The following NEDD4L variants were observed in gnomAD, a reference collection of about 807,000 sequenced individuals.
NEDD4L encodes the protein NEDD4 like E3 ubiquitin protein ligase, also known as E3 ubiquitin-protein ligase NEDD4-like.
A neutral mutation model predicts 148.9 loss-of-function variants in NEDD4L; 54 were observed. That is an observed-to-expected ratio of 0.36 (90% confidence interval 0.29 to 0.45). NEDD4L has a LOEUF of 0.45. Among genes scored for constraint, NEDD4L ranks in the 20% least tolerant of loss-of-function variants. NEDD4L has a pLI of 1.00. For synonymous variants in NEDD4L, 433 were observed against 440.7 expected, an observed-to-expected ratio of 0.98 and a Z score of 0.22; for missense variants, 856 against 1,233.8, an observed-to-expected ratio of 0.69 and a Z score of 4.59.
intron 2 of NEDD4L, among the ~76,000 whole-genome samples, chr18:58,206,628 A>G (rs1340846937): frequency 6.6e-6 from 1 of 152,196 alleles, no homozygotes; most frequent in Non-Finnish European, 1.5e-5. Flanking sequence ...TAACGTATGC[A>G]TAGAGATCTG....
At chr18:58,091,394 T>C (rs1568202949) in intron 1 of NEDD4L, 1 of 152,226 alleles carries the variant, frequency 6.6e-6, no homozygotes, top group Non-Finnish European at 1.5e-5. Flanking sequence ...TTGAACCTTC[T>C]TGGACTCTCA....
chr18:58,328,901 T>C, intron 9 of NEDD4L, 94 bp from the exon 10 acceptor site: 2 of 1,405,998 alleles, frequency 1.4e-6, no homozygotes, highest in Non-Finnish European at 2.0e-6. Context: ...GACACTTTAG[T>C]GGCCATCTGG....
At chr18:58,372,482 ATTTT>A (rs1260745734) in intron 23 of NEDD4L, 1 of 151,900 alleles carries the variant, frequency 6.6e-6, no homozygotes, top group African/African-American at 2.4e-5. Context: ...AACTTTATTT[ATTTT>A]TTATAGAGAC....
At chr18:58,227,669 G>T (rs933642487) in intron 2 of NEDD4L, among the ~76,000 whole-genome samples, 1 of 152,166 alleles carries the variant, frequency 6.6e-6, no homozygotes, top group Non-Finnish European at 1.5e-5. Context: ...GACCCAGTGA[G>T]TGTTTTACCC....
At chr18:58,254,270 AT>A (rs909114317) in intron 5 of NEDD4L, among the ~76,000 whole-genome samples, 3 of 151,572 alleles carry the variant, frequency 2.0e-5, no homozygotes, top group African/African-American at 4.8e-5. Context: ...TTCCCCTCCT[AT>A]TTTTTTTACC....
At position 58,341,791 on chromosome 18, in the gene NEDD4L, G is replaced by A. The variant is rs369600630; in HGVS notation, c.1371G>A (p.Pro457=). ...LSSPTVTLSA[P]LEGAKDSPVR... ...CGCCAACAGTAACTTTATCTGCCCCGCTGGAGGTGAGACGGCTACCTCATC... is the reference window on the plus strand; with the variant it reads ...CGCCAACAGTAACTTTATCTGCCCCACTGGAGGTGAGACGGCTACCTCATC... Residue 457 remains proline (P), a synonymous_variant, in exon 15 of 31, where the codon CCG becomes CCA. Transcript: ENST00000400345. The A allele has an allele frequency of 1.2e-5, 20 of 1,612,620 alleles. No individual in the cohort carries two copies. Among genetic ancestry groups the A allele is most frequent in the East Asian group, 6.7e-5 (3 of 44,862 alleles).
chr18:58,221,698 C>G (rs191736163), intron 2 of NEDD4L: 1 of 985,454 alleles, frequency 1.0e-6, no homozygotes, highest in Admixed American at 6.1e-5. Context: ...TTTCCAGCAG[C>G]GCTAGTCCAG....
rs58950155 is a variant in NEDD4L at position 58,381,713 on chromosome 18, G to A, written c.2353-1533G>A. Among the ~76,000 whole-genome samples, 1,156 of 152,292 alleles carry A rather than the reference G, an allele frequency of 7.6e-3. 21 individuals carry two copies. The highest frequency in any genetic ancestry group is 0.026 in the African/African-American group (1,090 of 41,558). ...TCTGGGGAGGAATAAATGGGGAAAA[G>A]AAGAAAAGCCAACCTGGGTTTATTA... On this transcript the variant is annotated intron_variant, in intron 24 of 30. Transcript: ENST00000400345.
chr18:58,290,049 G>A (rs986249243), intron 5 of NEDD4L, among the ~76,000 whole-genome samples: 4 of 152,148 alleles, frequency 2.6e-5, no homozygotes, highest in Non-Finnish European at 5.9e-5. Context: ...CAAAATATCC[G>A]CAACTACTGA....
intron 6 of NEDD4L, among the ~76,000 whole-genome samples, chr18:58,316,352 C>G (rs2058261663): frequency 6.6e-6 from 1 of 152,194 alleles, no homozygotes; most frequent in South Asian, 2.1e-4. Context: ...CTCAGGCCTC[C>G]CTTCTTGTCA....
At chr18:58,061,180 G>T (rs73959466) in intron 1 of NEDD4L, among the ~76,000 whole-genome samples, 6,740 of 152,134 alleles carry the variant, frequency 0.044, 372 homozygotes, top group African/African-American at 0.13. Flanking sequence ...CGATCATCTC[G>T]CCCCAAATGC....
Position 58,341,202 on chromosome 18 carries a change from G to A in NEDD4L, c.1257+33G>A, listed in dbSNP as rs771965181. The A allele has an allele frequency of 2.5e-6, 4 of 1,606,560 alleles. No homozygotes were observed. In the South Asian group the frequency reaches 3.4e-5, roughly 14 times the overall value. On this transcript the variant is annotated intron_variant, in intron 14 of 30. Coordinates refer to ENST00000400345, the MANE Select transcript of NEDD4L (RefSeq NM_001144967.3). ...GATTGCCATCCAACTTAAAACCGCA[G>A]GCCATAGAAGCCGAAATGTACATGA...
chr18:58,085,958 G>A (rs1414244991), intron 1 of NEDD4L, among the ~76,000 whole-genome samples: 2 of 152,202 alleles, frequency 1.3e-5, no homozygotes, highest in South Asian at 2.1e-4. Context: ...TTTATTAAGG[G>A]ATGGGTAGGA....
chr18:58,330,802 C>G lies in NEDD4L; in HGVS notation c.878C>G (p.Pro293Arg), dbSNP rs760793783. Residue 293 changes from proline to arginine, a missense_variant, in exon 11 of 31, where the codon CCA becomes CGA. By Grantham distance (103) the Pro-to-Arg change is moderately radical (BLOSUM62 -2). This residue lies in a region of NEDD4L where 367 missense variants were observed against 422.7 expected (regional missense o/e 0.87). Transcript: ENST00000400345. ...GACTCTCTCGGTCTGGCTCTGCCCC[C>G]ACCACCGGCCTCCCCAGGATCTCGG... ...AGDSLGLALP[P>R]PPASPGSRTS... 2 of 1,613,776 alleles carry G rather than the reference C, an allele frequency of 1.2e-6. No individual in the cohort carries two copies. Among genetic ancestry groups the G allele is most frequent in the Non-Finnish European group, 1.7e-6 (2 of 1,179,774 alleles).
At chr18:58,188,667 G>T (rs2039745108) in intron 2 of NEDD4L, among the ~76,000 whole-genome samples, 1 of 152,216 alleles carries the variant, frequency 6.6e-6, no homozygotes, top group African/African-American at 2.4e-5. Flanking sequence ...CCATATAACA[G>T]CACATTGGTG....
intron 1 of NEDD4L, among the ~76,000 whole-genome samples, chr18:58,056,786 G>A (rs2082103936): frequency 6.6e-6 from 1 of 151,872 alleles, no homozygotes; most frequent in African/African-American, 2.4e-5. Flanking sequence ...TCACCATGTT[G>A]GCCAGGCTGG....
chr18:58,325,231 C>A, intron 9 of NEDD4L, 69 bp downstream of exon 9: 1 of 1,564,730 alleles, frequency 6.4e-7, no homozygotes, highest in South Asian at 1.1e-5. Context: ...TATGGCGGCC[C>A]TTTGGGACAA....
chr18:58,370,980 T>G (rs8090150), intron 23 of NEDD4L, among the ~76,000 whole-genome samples: 66,487 of 151,910 alleles, frequency 0.44, 14,645 homozygotes, highest in South Asian at 0.55. Context: ...GTTTTCATGT[T>G]GCATTTAACA....
intron 1 of NEDD4L, among the ~76,000 whole-genome samples, chr18:58,135,186 A>G (rs532128036): frequency 6.6e-6 from 1 of 152,312 alleles, no homozygotes; most frequent in South Asian, 2.1e-4. Context: ...GTCCTGAAAC[A>G]GTACACGATG....
Sources: gnomAD v4.1 joint callset for allele counts (sites outside exome capture counted in the v4.1 genomes callset) on GRCh38, gnomAD v4.1.1 for gene constraint, gnomAD v4.1.1 regional missense constraint, MANE v1.5 for transcripts, NCBI Gene and HGNC (gene_info 2026-07-23, HGNC 2026-07-21) for gene names.